Variants in FREM3 observed in about 807,000 individuals in gnomAD.
The protein encoded by FREM3 is FRAS1-related extracellular matrix protein 3.
Under a neutral mutation model 129.1 loss-of-function variants are expected in FREM3, and 105 were observed. That is an observed-to-expected ratio of 0.81 (90% CI 0.69 to 0.96). The LOEUF is 0.96. Among genes scored for constraint, FREM3 ranks in the 40% least tolerant of loss-of-function variants. The probability of loss-of-function intolerance (pLI) is 0.00; values close to 1 mark genes in which losing one functional copy is unlikely to be tolerated. For synonymous variants in FREM3, 1,014 were observed against 1,044.9 expected, an observed-to-expected ratio of 0.97 and a Z score of 0.57; for missense variants, 2,593 against 2,666.3, an observed-to-expected ratio of 0.97 and a Z score of 0.61.
chr4:143,610,890 G>A (rs1201115821), intron 6 of FREM3, among the ~76,000 whole-genome samples: 1 of 152,142 alleles, frequency 6.6e-6, no homozygotes, highest in East Asian at 1.9e-4. Flanking sequence ...TCCTTGTGCT[G>A]CTTGACAACT....
Position 143,675,554 on chromosome 4 carries a change from G to A in FREM3, c.5275+17559C>T, listed in dbSNP as rs1472466628. Among the ~76,000 whole-genome samples the A allele has an allele frequency of 1.0e-3, 153 of 151,926 alleles. 1 individual carries two copies. The highest frequency in any genetic ancestry group is 3.4e-3 in the African/African-American group (142 of 41,356). ...ATAACTAAGATCAGAGCAGAACTGAGGGAGATAGAGACACAAAAAACCCTT... is the reference window on the plus strand; with the variant it reads ...ATAACTAAGATCAGAGCAGAACTGAAGGAGATAGAGACACAAAAAACCCTT... On this transcript the variant is annotated intron_variant, in intron 2 of 7. Coordinates refer to ENST00000329798, the MANE Select transcript of FREM3 (RefSeq NM_001168235.2).
chr4:143,697,978 C>T lies in FREM3; in HGVS notation c.2698G>A (p.Val900Ile), dbSNP rs1287081786. 5 of 1,537,590 alleles carry T rather than the reference C, an allele frequency of 3.3e-6. No homozygotes were observed. The highest frequency in any genetic ancestry group is 3.3e-4 in the Middle Eastern group (2 of 5,990). ...TGGTCTCTGCCATGCTGGTAAGAGA[C>T]ACTCCCGTTAATAACATCAGCTTGC... is the stretch of plus-strand genomic sequence containing the variant. ...FMQADVINGSVSYQHGRDQTT... is the reference protein window; with the variant it reads ...FMQADVINGSISYQHGRDQTT... Residue 900 changes from valine (V) to isoleucine (I), a missense_variant, in exon 1 of 8, where the codon GTC (valine) becomes ATC (isoleucine). Val to Ile is a conservative substitution (Grantham distance 29). Around this residue, in one of 2 missense-constraint regions of FREM3, gnomAD observed 2,276 missense variants for 2,267.2 expected, o/e 1.00. Coordinates refer to ENST00000329798, the MANE Select transcript of FREM3 (RefSeq NM_001168235.2).
intron 2 of FREM3, among the ~76,000 whole-genome samples, chr4:143,657,827 A>G (rs1739629051): frequency 1.3e-5 from 2 of 152,108 alleles, no homozygotes; most frequent in South Asian, 4.1e-4. Flanking sequence ...TAAGAACTTC[A>G]TACCCAACAC....
intron 2 of FREM3, among the ~76,000 whole-genome samples, chr4:143,677,039 C>T (rs1256205985): frequency 6.6e-6 from 1 of 152,176 alleles, no homozygotes; most frequent in African/African-American, 2.4e-5. Flanking sequence ...TTGGAAAAAA[C>T]TACTTTAAAG....
chr4:143,634,869 G>A (rs1739207225), intron 2 of FREM3, among the ~76,000 whole-genome samples: 1 of 152,048 alleles, frequency 6.6e-6, no homozygotes, highest in Non-Finnish European at 1.5e-5. Context: ...TGTCACTGTG[G>A]TCCTTCCAAA....
At chr4:143,674,370 C>G (rs930588799) in intron 2 of FREM3, among the ~76,000 whole-genome samples, 2 of 152,158 alleles carry the variant, frequency 1.3e-5, no homozygotes, top group African/African-American at 4.8e-5. Flanking sequence ...CAGGCCTGCC[C>G]TACAAGAGCT....
At chr4:143,609,812 C>A (rs778330422) in intron 6 of FREM3, among the ~76,000 whole-genome samples, 7 of 152,172 alleles carry the variant, frequency 4.6e-5, no homozygotes, top group South Asian at 2.1e-4. Flanking sequence ...TCAGATTCTA[C>A]TTCTCTTCTG....
chr4:143,654,188 C>T (rs945937022), intron 2 of FREM3, among the ~76,000 whole-genome samples: 6 of 152,156 alleles, frequency 3.9e-5, no homozygotes, highest in African/African-American at 7.2e-5. Flanking sequence ...CTGCAACATG[C>T]GCCTGCTGGG....
intron 7 of FREM3, 119 bp from the exon 8 acceptor site, chr4:143,577,971 G>A: frequency 1.8e-6 from 2 of 1,118,256 alleles, no homozygotes; most frequent in South Asian, 1.6e-5. Context: ...AACACTCTCA[G>A]GATCATATAC....
chr4:143,584,870 C>T (rs1432380003), intron 7 of FREM3, among the ~76,000 whole-genome samples: 1 of 152,134 alleles, frequency 6.6e-6, no homozygotes, highest in Non-Finnish European at 1.5e-5. Context: ...ATCGACTACA[C>T]CGTTGGCCAT....
intron 2 of FREM3, among the ~76,000 whole-genome samples, chr4:143,669,376 G>A (rs1739924450): frequency 6.6e-6 from 1 of 152,156 alleles, no homozygotes; most frequent in South Asian, 2.1e-4. Flanking sequence ...CTTGGTCATG[G>A]CTGACTGCAG....
At chr4:143,664,937 C>T (rs1043059619) in intron 2 of FREM3, among the ~76,000 whole-genome samples, 7 of 151,930 alleles carry the variant, frequency 4.6e-5, no homozygotes, top group Non-Finnish European at 8.8e-5. Context: ...TTAAGCCCGT[C>T]GGAAAAGTGC....
intron 4 of FREM3, among the ~76,000 whole-genome samples, chr4:143,623,747 A>C (rs566416610): frequency 6.6e-6 from 1 of 152,262 alleles, no homozygotes; most frequent in African/African-American, 2.4e-5. Context: ...ATGGATATCT[A>C]AGTCCCCATT....
chr4:143,679,958 A>G (rs1032255179), intron 2 of FREM3, among the ~76,000 whole-genome samples: 2 of 152,138 alleles, frequency 1.3e-5, no homozygotes, highest in Non-Finnish European at 2.9e-5. Flanking sequence ...TTTCTGATGT[A>G]TGTATAAGCT....
chr4:143,674,507 C>T (rs924038972), intron 2 of FREM3, among the ~76,000 whole-genome samples: 8 of 152,158 alleles, frequency 5.3e-5, no homozygotes, highest in African/African-American at 1.9e-4. Context: ...AACTGGCTGA[C>T]ATCGTAATGA....
intron 2 of FREM3, among the ~76,000 whole-genome samples, chr4:143,690,814 C>G (rs1740452087): frequency 6.6e-6 from 1 of 152,156 alleles, no homozygotes; most frequent in Non-Finnish European, 1.5e-5. Flanking sequence ...CAACAGCAGA[C>G]ATGGATCTTA....
rs1257594190 is a variant in FREM3 at position 143,695,676 on chromosome 4, C to A, written c.5000G>T (p.Gly1667Val). The change falls in exon 1 of 8, where the codon GGT (glycine) becomes GTT (valine). Residue 1667 changes from glycine to valine, a missense_variant. Physicochemically the swap from Gly to Val is moderately radical, Grantham distance 109 (BLOSUM62 -3). Transcript: ENST00000329798. ...NRLPQITTNR[G>V]APALKRLHTG... ...GTGAAGGCGCTTCAAGGCTGGGGCA[C>A]CCCTGTTGGTAGTAATCTGGGGAAG... The A allele has an allele frequency of 3.9e-6, 6 of 1,537,182 alleles. No individual in the cohort carries two copies. The Admixed American group carries it at 7.8e-5, about 20-fold the overall frequency.
At chr4:143,677,738 CAGACACTTCTCAAAAGA>C (rs1358523885) in intron 2 of FREM3, among the ~76,000 whole-genome samples, 1 of 152,166 alleles carries the variant, frequency 6.6e-6, no homozygotes, top group Non-Finnish European at 1.5e-5. Context: ...AGGACATGAA[CAGACACTTCTCAAAAGA>C]AGACATTTAT....
chr4:143,660,651 C>A (rs983918984), intron 2 of FREM3, among the ~76,000 whole-genome samples: 1 of 152,056 alleles, frequency 6.6e-6, no homozygotes, highest in South Asian at 2.1e-4. Context: ...GGGCATGGCA[C>A]TGAATCTATA....
Sources: gnomAD v4.1 joint callset for allele counts (sites outside exome capture counted in the v4.1 genomes callset) on GRCh38, gnomAD v4.1.1 for gene constraint, gnomAD v4.1.1 regional missense constraint, MANE v1.5 for transcripts, NCBI Gene and HGNC (gene_info 2026-07-23, HGNC 2026-07-21) for gene names.